Variants in LRRC9 observed in about 807,000 individuals in gnomAD.
LRRC9 encodes the protein leucine-rich repeat-containing protein 9.
A neutral mutation model predicts 63.2 loss-of-function variants in LRRC9; 122 were observed. The observed-to-expected ratio is 1.93, with a 90% CI of 1.67 to 2.24. LRRC9 has a LOEUF of 2.24. Ranked by LOEUF, LRRC9 falls within the 30% of genes most tolerant of loss-of-function variation. The pLI, the probability that LRRC9 is intolerant of heterozygous loss-of-function variation, is 0.00. For missense variants in LRRC9, 1,071 were observed against 627.7 expected (o/e 1.71, Z -7.55); for synonymous variants, 366 against 213.1 (o/e 1.72, Z -6.25).
In LRRC9 at chr14:59,966,408, C is replaced by T. The variant is rs867447442; in HGVS notation, c.1212-181C>T. Among the ~76,000 whole-genome samples the T allele has an allele frequency of 6.0e-4, 91 of 152,250 alleles. No homozygotes were observed. Among genetic ancestry groups the T allele is most frequent in the African/African-American group, 2.0e-3 (84 of 41,532 alleles). On this transcript the variant is annotated intron_variant, in intron 10 of 31. Transcript: ENST00000445360. The surrounding 1 kb of genome is among the most constrained non-coding windows in gnomAD (Gnocchi z 4.0). ...GAAGATTGCTCAACCAACCTGTCTT[C>T]CAGGCAGAACAAATGTGCAATAAAT...
chr14:59,985,394 G>T (rs1367924235), intron 17 of LRRC9, among the ~76,000 whole-genome samples, 170 bp downstream of exon 17: 2 of 152,178 alleles, frequency 1.3e-5, no homozygotes, highest in Non-Finnish European at 2.9e-5. Context: ...AGCAAGTGTG[G>T]TGATGGATGT....
chr14:59,952,852 C>A (rs915038972), intron 8 of LRRC9, among the ~76,000 whole-genome samples: 6 of 152,150 alleles, frequency 3.9e-5, no homozygotes, highest in African/African-American at 1.4e-4. Context: ...TGTTCCCCTC[C>A]CTGTGTCCAA....
intron 21 of LRRC9, among the ~76,000 whole-genome samples, chr14:60,005,996 G>A (rs1056314159): frequency 6.6e-6 from 1 of 151,964 alleles, no homozygotes; most frequent in Non-Finnish European, 1.5e-5. Flanking sequence ...CCAGAATGTG[G>A]TTCCTTACCC....
At chr14:59,978,104 A>G in exon 15 of LRRC9, 1 of 702,232 alleles carries the variant, frequency 1.4e-6, no homozygotes, top group East Asian at 2.7e-5. Flanking sequence ...TTGCCGGAAT[A>G]TGTTGTTGAA....
rs963531611 is a variant in LRRC9, at chr14:59,947,829, G to A, written c.882+3085G>A. On this transcript the variant is annotated intron_variant, in intron 8 of 31. Coordinates refer to ENST00000445360, the Ensembl canonical transcript of LRRC9. ...GATCAGATAGTTGTAGGTAAGCGGC[G>A]TTATTTCTGAGGGCTCTGTTCTGTT... 4.6e-5 allele frequency among the ~76,000 whole-genome samples: 7 copies of A among 150,794 alleles called. No homozygotes were observed. In the East Asian group the frequency reaches 5.9e-4, roughly 13 times the overall value.
chr14:59,934,898 G>A (rs1210751191), intron 6 of LRRC9, among the ~76,000 whole-genome samples: 3 of 152,058 alleles, frequency 2.0e-5, no homozygotes, highest in Non-Finnish European at 4.4e-5. Context: ...TAAAGGATAA[G>A]TGAGCAGATA....
At chr14:60,037,688 T>G (rs1892568075) in intron 29 of LRRC9, among the ~76,000 whole-genome samples, 1 of 152,222 alleles carries the variant, frequency 6.6e-6, no homozygotes, top group Non-Finnish European at 1.5e-5. Flanking sequence ...ATAGGTAGAT[T>G]GTAAAAATTT....
rs1302629149 is a variant in LRRC9, at chr14:59,986,547, G to C, written c.2211+1323G>C. 2.0e-5 allele frequency among the ~76,000 whole-genome samples: 3 copies of C among 152,096 alleles called. No homozygotes were observed. ...ATTCAGTATGCAACTGAGGGAAAAA[G>C]GTATTTTAGAAGAGGTCTCAGGACT... On this transcript the variant is annotated intron_variant, in intron 17 of 31. Coordinates refer to ENST00000445360, the Ensembl canonical transcript of LRRC9. This position sits in a 1 kb window ranked among gnomAD's most constrained non-coding sequence, Gnocchi z 4.7.
intron 7 of LRRC9, among the ~76,000 whole-genome samples, chr14:59,939,585 T>C (rs1275171263): frequency 6.6e-6 from 1 of 151,848 alleles, no homozygotes; most frequent in Non-Finnish European, 1.5e-5. Flanking sequence ...ATAGAGAAAG[T>C]GGTAAGAAGT....
intron 8 of LRRC9, among the ~76,000 whole-genome samples, chr14:59,947,462 G>C (rs1335788538): frequency 8.1e-6 from 1 of 123,954 alleles, no homozygotes. Context: ...TAGGTTGCCT[G>C]TTCACTCTAA....
rs1254321263 is a variant in LRRC9 at position 60,003,558 on chromosome 14, GTTA to G, written c.2665-59_2665-57del. 3.3e-5 allele frequency: 17 copies of G among 513,500 alleles called. No homozygotes were observed. The highest frequency in any genetic ancestry group is 3.1e-5 in the Non-Finnish European group (9 of 294,464). The allele number at this position is 513,500 out of a possible 1,614,324, so 31.8% of individuals were successfully genotyped here. On this transcript the variant is annotated intron_variant, in intron 20 of 31. Transcript: ENST00000445360. This position sits in a 1 kb window ranked among gnomAD's most constrained non-coding sequence, Gnocchi z 4.2. ...AATTATTTCATTAGCTTTTTAAAAT[GTTA>G]TTAACATTGACTGAATTTATAAGAT...
At chr14:59,979,536 CGGGAGGCAGAGCTTGTA>C (rs374326784) in intron 15 of LRRC9, among the ~76,000 whole-genome samples, 3,171 of 151,900 alleles carry the variant, frequency 0.021, 60 homozygotes, top group South Asian at 0.05. Context: ...GGCGTGAACC[CGGGAGGCAGAGCTTGTA>C]GTGAGTAGAG....
intron 8 of LRRC9, among the ~76,000 whole-genome samples, chr14:59,953,248 T>A (rs544863148): frequency 6.6e-6 from 1 of 152,370 alleles, no homozygotes; most frequent in Non-Finnish European, 1.5e-5. Flanking sequence ...TCTTCCACAA[T>A]GGTTGAACTA....
chr14:60,019,228 C>T (rs1174839542), exon 26 of LRRC9: 1 of 697,706 alleles, frequency 1.4e-6, no homozygotes, highest in Admixed American at 2.0e-5. Context: ...CTTCAAGTGG[C>T]TATGGACAGC....
chr14:59,981,611 A>G (rs1886936141), intron 15 of LRRC9, among the ~76,000 whole-genome samples: 1 of 152,164 alleles, frequency 6.6e-6, no homozygotes, highest in Non-Finnish European at 1.5e-5. Flanking sequence ...ACTGTTATGA[A>G]ATATTTTAAA....
intron 13 of LRRC9, 82 bp downstream of exon 13, chr14:59,974,790 T>A: frequency 1.9e-6 from 1 of 523,962 alleles, no homozygotes; most frequent in Non-Finnish European, 3.3e-6. Context: ...TTTCTGATAC[T>A]TGGTTTTATC....
At chr14:60,056,817 C>G (rs565684175) in intron 30 of LRRC9, among the ~76,000 whole-genome samples, 2 of 152,150 alleles carry the variant, frequency 1.3e-5, no homozygotes, top group African/African-American at 4.8e-5. Flanking sequence ...CAGAAAACTT[C>G]TGAAGTTTAT....
chr14:60,046,872 G>C (rs958421543), intron 29 of LRRC9, among the ~76,000 whole-genome samples: 3 of 152,118 alleles, frequency 2.0e-5, no homozygotes, highest in African/African-American at 7.2e-5. Context: ...TCACAATATT[G>C]ATTCTTCCTA....
chr14:60,030,988 A>G (rs1018471650), intron 28 of LRRC9, among the ~76,000 whole-genome samples: 66 of 152,076 alleles, frequency 4.3e-4, no homozygotes, highest in African/African-American at 1.5e-3. Context: ...TCTGTGAAAA[A>G]CAGACATTTT....
Sources: gnomAD v4.1 joint callset for allele counts (sites outside exome capture counted in the v4.1 genomes callset) on GRCh38, gnomAD v4.1.1 for gene constraint, Gnocchi (gnomAD v3.1) non-coding constraint, MANE v1.5 for transcripts, NCBI Gene and HGNC (gene_info 2026-07-23, HGNC 2026-07-21) for gene names.